Variants in COPG2 observed in about 807,000 individuals in gnomAD.
COPG2 encodes coat protein complex I subunit gamma 2, also known as coatomer subunit gamma-2.
COPG2 carries 37 observed loss-of-function variants against 46.3 expected under a neutral mutation model. The ratio of observed to expected loss-of-function variants is 0.80; its 90% CI spans 0.61 to 1.05. The LOEUF (loss-of-function observed/expected upper bound fraction) is 1.05, where lower values mean the gene tolerates loss of function less well. Ranked by LOEUF, COPG2 falls within the 50% of genes least tolerant of loss-of-function variation. COPG2 has a pLI of 0.00. For synonymous variants in COPG2, 159 were observed against 129.7 expected, an observed-to-expected ratio of 1.23 and a Z score of -1.53; for missense variants, 427 against 387.8, an observed-to-expected ratio of 1.10 and a Z score of -0.85.
rs373313908 is a variant in COPG2 at position 130,507,355 on chromosome 7, T to C, written c.2404A>G (p.Ile802Val). 39 of 780,520 alleles carry C rather than the reference T, an allele frequency of 5.0e-5. No individual in the cohort carries two copies. In the African/African-American group the frequency reaches 5.8e-4, roughly 12 times the overall value. The allele number at this position is 780,520 out of a possible 1,614,324, so 48.3% of individuals were successfully genotyped here. A position where few individuals can be genotyped will look rare whatever the true frequency, so the allele number is the denominator to read the frequency against. Reference protein sequence around the residue: ...KTLEEAVNNIITFLGMQPCER... With the variant: ...KTLEEAVNNIVTFLGMQPCER... ...CATGGCTGCATGCCCAGAAATGTGATGATATTGTTGACAGCCTCTGTGTTG... is the reference window on the plus strand; with the variant it reads ...CATGGCTGCATGCCCAGAAATGTGACGATATTGTTGACAGCCTCTGTGTTG... The change falls in exon 23 of 24, where the codon ATC becomes GTC. Residue 802 changes from isoleucine (I) to valine (V), a missense_variant. By Grantham distance (29) the Ile-to-Val change is conservative. Coordinates refer to ENST00000425248, the MANE Select transcript of COPG2 (RefSeq NM_012133.6).
intron 5 of COPG2, 79 bp downstream of exon 5, chr7:130,652,790 A>G (rs1795773760): frequency 4.5e-6 from 4 of 889,966 alleles, no homozygotes; most frequent in Non-Finnish European, 7.2e-6. Flanking sequence ...TGGCTTTCTT[A>G]TGGTCAAAAA....
intron 20 of COPG2, among the ~76,000 whole-genome samples, chr7:130,513,308 A>AAAAAAT (rs1236511164): frequency 1.8e-5 from 1 of 55,674 alleles, no homozygotes; most frequent in Non-Finnish European, 2.9e-5. Context: ...AAAAAAAAAA[A>AAAAAAT]ATATATATAT....
At chr7:130,666,730 A>G (rs988365768) in intron 3 of COPG2, 119 bp downstream of exon 3, 1 of 614,596 alleles carries the variant, frequency 1.6e-6, no homozygotes, top group South Asian at 1.9e-5. Context: ...CAAACGTTGT[A>G]TATGTTAAAA....
chr7:130,645,041 G>A (rs1444260264), intron 5 of COPG2, among the ~76,000 whole-genome samples: 2 of 145,064 alleles, frequency 1.4e-5, no homozygotes, highest in Non-Finnish European at 3.0e-5. Context: ...CAGCCTGGGG[G>A]ACAAGAGCGA....
chr7:130,647,944 A>ACGGTCT (rs1795650900), intron 5 of COPG2, among the ~76,000 whole-genome samples: 1 of 151,776 alleles, frequency 6.6e-6, no homozygotes, highest in Admixed American at 6.6e-5. Context: ...GTTAGCCAGG[A>ACGGTCT]CGGTCTCGAT....
chr7:130,539,373 G>A (rs1054142644), intron 20 of COPG2, among the ~76,000 whole-genome samples: 1 of 152,184 alleles, frequency 6.6e-6, no homozygotes, highest in Non-Finnish European at 1.5e-5. Context: ...TGGAGTGGAA[G>A]AGGGGAAGGA....
At chr7:130,536,343 G>A (rs995816808) in intron 20 of COPG2, among the ~76,000 whole-genome samples, 21 of 152,108 alleles carry the variant, frequency 1.4e-4, no homozygotes, top group African/African-American at 2.4e-4. Flanking sequence ...CAAGGTGGCC[G>A]TCCACAGCAG....
At chr7:130,596,411 T>C (rs572233917) in intron 9 of COPG2, among the ~76,000 whole-genome samples, 14 of 152,314 alleles carry the variant, frequency 9.2e-5, no homozygotes, top group South Asian at 2.1e-4. Context: ...GTGGCTATTA[T>C]TTGGCCATGC....
At chr7:130,618,768 T>C (rs559373632) in intron 5 of COPG2, among the ~76,000 whole-genome samples, 1 of 152,330 alleles carries the variant, frequency 6.6e-6, no homozygotes, top group Admixed American at 6.5e-5. Flanking sequence ...TTTGTGATTT[T>C]TGGCTTATGT....
rs990186383 is a variant in COPG2, at chr7:130,519,240, G to C, written c.2150-10581C>G. 2.1e-3 allele frequency among the ~76,000 whole-genome samples: 315 copies of C among 152,252 alleles called. 2 individuals are homozygous for C. The highest frequency in any genetic ancestry group is 6.8e-3 in the African/African-American group (281 of 41,540). ...CTAGATACCAACCATGGGAGAAAAGGGGGGAGTGAGAACATAGCAAATAAG... is the reference window on the plus strand; with the variant it reads ...CTAGATACCAACCATGGGAGAAAAGCGGGGAGTGAGAACATAGCAAATAAG... On this transcript the variant is annotated intron_variant, in intron 20 of 23. Coordinates refer to ENST00000425248, the MANE Select transcript of COPG2 (RefSeq NM_012133.6).
intron 5 of COPG2, among the ~76,000 whole-genome samples, chr7:130,640,464 T>C (rs73158072): frequency 0.18 from 27,633 of 151,766 alleles, 2,794 homozygotes; most frequent in Middle Eastern, 0.24. Flanking sequence ...TTATTTGTAA[T>C]CACTGGGAAA....
intron 2 of COPG2, 83 bp downstream of exon 2, chr7:130,667,399 G>C (rs781847095): frequency 2.7e-6 from 3 of 1,110,548 alleles, no homozygotes; most frequent in Non-Finnish European, 4.0e-6. Flanking sequence ...TGCATGTCGT[G>C]ATCACAGCAG....
chr7:130,639,342 G>C (rs1795416335), intron 5 of COPG2, among the ~76,000 whole-genome samples: 1 of 152,178 alleles, frequency 6.6e-6, no homozygotes, highest in Non-Finnish European at 1.5e-5. Context: ...GTACATGGTT[G>C]CAGTAGCTGC....
chr7:130,652,872 C>A lies in COPG2; in HGVS notation c.320G>T (p.Ser107Ile). 6.3e-7 allele frequency: 1 copy of A among 1,590,526 alleles called. No individual in the cohort carries two copies. ...TAGATTTTGACCATTTACATACCTG[C>A]TTGTGACAATTATCACATCCTCAGA... Reference protein sequence around the residue: ...TISEDVIIVTSSLTKDMTGKE... With the variant: ...TISEDVIIVTISLTKDMTGKE... The change falls in exon 5 of 24, where the codon AGC (serine) becomes ATC (isoleucine). Residue 107 changes from serine (S) to isoleucine (I), a missense_variant. Transcript: ENST00000425248.
chr7:130,600,629 G>A (rs546457665), intron 9 of COPG2, among the ~76,000 whole-genome samples: 147 of 152,116 alleles, frequency 9.7e-4, no homozygotes, highest in African/African-American at 3.2e-3. Flanking sequence ...TTGCTACATG[G>A]CATTTTTTAT....
intron 5 of COPG2, among the ~76,000 whole-genome samples, chr7:130,617,526 G>A (rs1794970027): frequency 6.6e-6 from 1 of 152,148 alleles, no homozygotes; most frequent in African/African-American, 2.4e-5. Flanking sequence ...CTTTGGCATG[G>A]CTTTCTAAAA....
intron 20 of COPG2, chr7:130,511,831 G>A (rs1554441055): frequency 1.9e-6 from 1 of 519,666 alleles, no homozygotes; most frequent in Non-Finnish European, 3.8e-6. Context: ...GTAGGAGGCA[G>A]CAGCAGACTA....
intron 5 of COPG2, among the ~76,000 whole-genome samples, chr7:130,645,906 A>C (rs1277923495): frequency 6.6e-5 from 10 of 152,166 alleles, no homozygotes; most frequent in African/African-American, 2.2e-4. Context: ...CATCTCCAAA[A>C]ACTGTTGCCC....
At chr7:130,550,315 G>A (rs1190997902) in intron 17 of COPG2, among the ~76,000 whole-genome samples, 3 of 146,924 alleles carry the variant, frequency 2.0e-5, no homozygotes, top group South Asian at 2.1e-4. Context: ...GAAGGCTGAG[G>A]AAGGAGACTC....
Sources: allele counts gnomAD v4.1 joint callset (sites outside exome capture counted in the v4.1 genomes callset), GRCh38; gene constraint gnomAD v4.1.1; transcripts MANE v1.5; gene names NCBI Gene and HGNC (gene_info 2026-07-23, HGNC 2026-07-21).